Variants in MARCHF11 observed in about 807,000 individuals in gnomAD.
The protein encoded by MARCHF11 is E3 ubiquitin-protein ligase MARCHF11.
Under a neutral mutation model 37.3 loss-of-function variants are expected in MARCHF11, and 29 were observed. The ratio of observed to expected loss-of-function variants is 0.78; its 90% CI spans 0.58 to 1.06. The LOEUF (loss-of-function observed/expected upper bound fraction) is 1.06. MARCHF11 is among the 50% of genes least tolerant of loss of function. The probability of loss-of-function intolerance (pLI) is 0.00; values close to 1 mark genes in which losing one functional copy is unlikely to be tolerated. For synonymous variants in MARCHF11, 233 were observed against 228.0 expected, an observed-to-expected ratio of 1.02 and a Z score of -0.20; for missense variants, 482 against 533.4, an observed-to-expected ratio of 0.90 and a Z score of 0.95.
intron 3 of MARCHF11, among the ~76,000 whole-genome samples, chr5:16,079,166 T>A (rs79783310): frequency 0.018 from 2,796 of 152,202 alleles, 72 homozygotes; most frequent in African/African-American, 0.063. Context: ...TGCCCTCTAC[T>A]ATTCATCCTT....
At chr5:16,136,418 T>C (rs923188392) in intron 2 of MARCHF11, among the ~76,000 whole-genome samples, 2 of 152,152 alleles carry the variant, frequency 1.3e-5, no homozygotes, top group Non-Finnish European at 2.9e-5. Context: ...TGTGGGCTTC[T>C]CTGCAGCAAC....
At chr5:16,128,826 A>G (rs1396505326) in intron 2 of MARCHF11, among the ~76,000 whole-genome samples, 1 of 152,174 alleles carries the variant, frequency 6.6e-6, no homozygotes, top group East Asian at 1.9e-4. Flanking sequence ...AAATGTATTC[A>G]ATATTCAAAA....
At chr5:16,132,868 A>T (rs929668552) in intron 2 of MARCHF11, among the ~76,000 whole-genome samples, 2 of 152,222 alleles carry the variant, frequency 1.3e-5, no homozygotes, top group Admixed American at 6.6e-5. Flanking sequence ...TAATTGCAAG[A>T]AAATAATAAA....
chr5:16,130,256 A>C (rs1191970571), intron 2 of MARCHF11, among the ~76,000 whole-genome samples: 1 of 141,150 alleles, frequency 7.1e-6, no homozygotes, highest in Non-Finnish European at 1.5e-5. Flanking sequence ...GTACATACAC[A>C]CACACACACA....
At chr5:16,156,491 C>A (rs1737979324) in intron 2 of MARCHF11, among the ~76,000 whole-genome samples, 1 of 151,806 alleles carries the variant, frequency 6.6e-6, no homozygotes, top group South Asian at 2.1e-4. Context: ...TGAGGAACTA[C>A]TAGGAAATGA....
rs560515801 is a variant in MARCHF11, at chr5:16,093,607, G to A, written c.694-2526C>T. 1.4e-4 allele frequency among the ~76,000 whole-genome samples: 22 copies of A among 152,268 alleles called. 1 individual carries two copies. The East Asian group carries it at 4.1e-3, about 28-fold the overall frequency. ...GACACATGAGGTGTGGCTGCTTCTA[G>A]GTGAGGAGGGTGAATGAATGAAGGG... On this transcript the variant is annotated intron_variant, in intron 2 of 3. Transcript: ENST00000332432.
chr5:16,067,533 G>A lies in MARCHF11; in HGVS notation c.1147C>T (p.His383Tyr), dbSNP rs1422467777. ...LLHLFNRMRP[H>Y]EDLSEDNSSG... ...CTGTTATCTTCTGATAAGTCTTCAT[G>A]GGGCCTCATCCGATTGAACAGGTGC... is the stretch of plus-strand genomic sequence containing the variant. The change falls in exon 4 of 4, where the codon CAT (histidine) becomes TAT (tyrosine). Residue 383 changes from histidine to tyrosine, a missense_variant. Physicochemically the swap from His to Tyr is moderately conservative, Grantham distance 83. Transcript: ENST00000332432. The A allele has an allele frequency of 3.1e-6, 5 of 1,613,848 alleles. No homozygotes were observed. The highest frequency in any genetic ancestry group is 4.2e-6 in the Non-Finnish European group (5 of 1,179,844).
intron 2 of MARCHF11, among the ~76,000 whole-genome samples, chr5:16,109,438 C>T (rs1382292423): frequency 1.3e-5 from 2 of 152,188 alleles, no homozygotes; most frequent in Non-Finnish European, 2.9e-5. Flanking sequence ...GGACAGAGTT[C>T]GTAGAACTTC....
chr5:16,162,167 C>G (rs1738090122), intron 2 of MARCHF11, among the ~76,000 whole-genome samples: 1 of 151,836 alleles, frequency 6.6e-6, no homozygotes, highest in South Asian at 2.1e-4. Context: ...AGCAAACTGA[C>G]CACCTGTTTC....
chr5:16,121,310 T>C (rs981885175), intron 2 of MARCHF11, among the ~76,000 whole-genome samples: 3 of 152,248 alleles, frequency 2.0e-5, no homozygotes, highest in African/African-American at 7.2e-5. Context: ...ACTATTTATT[T>C]ATTCATTTTT....
At chr5:16,147,561 C>G (rs1282603421) in intron 2 of MARCHF11, among the ~76,000 whole-genome samples, 1 of 152,136 alleles carries the variant, frequency 6.6e-6, no homozygotes, top group Non-Finnish European at 1.5e-5. Context: ...TGGGCACTAT[C>G]TCTGGGAGCT....
intron 2 of MARCHF11, among the ~76,000 whole-genome samples, chr5:16,170,558 C>A (rs185839579): frequency 6.6e-6 from 1 of 151,952 alleles, no homozygotes; most frequent in East Asian, 1.9e-4. Context: ...GTAATGAATG[C>A]GATTTGTTTT....
chr5:16,163,562 T>G (rs150682201), intron 2 of MARCHF11, among the ~76,000 whole-genome samples: 2 of 152,110 alleles, frequency 1.3e-5, no homozygotes, highest in African/African-American at 4.8e-5. Context: ...TATATGCTTT[T>G]TGTAAGAGGC....
chr5:16,092,505 T>G (rs1353360517), intron 2 of MARCHF11, among the ~76,000 whole-genome samples: 2 of 152,118 alleles, frequency 1.3e-5, no homozygotes, highest in Non-Finnish European at 2.9e-5. Context: ...GAATAATAAT[T>G]AAACTATTTC....
chr5:16,071,056 A>C (rs542407458), intron 3 of MARCHF11, among the ~76,000 whole-genome samples: 8 of 152,182 alleles, frequency 5.3e-5, no homozygotes, highest in Non-Finnish European at 1.2e-4. Flanking sequence ...GATTCATTCA[A>C]CTTTGGCTCA....
intron 2 of MARCHF11, among the ~76,000 whole-genome samples, chr5:16,140,150 C>T (rs539435214): frequency 6.6e-6 from 1 of 152,174 alleles, no homozygotes; most frequent in East Asian, 1.9e-4. Context: ...TCTCTGTATA[C>T]AGCCATAATG....
chr5:16,085,645 T>A (rs1167694432), intron 3 of MARCHF11, among the ~76,000 whole-genome samples: 1 of 151,948 alleles, frequency 6.6e-6, no homozygotes, highest in African/African-American at 2.4e-5. Flanking sequence ...AAAGGACTTA[T>A]CAAAATTTAC....
In MARCHF11 at chr5:16,090,989, G is replaced by A. The variant is rs752700961; in HGVS notation, c.786C>T (p.Leu262=). The stretch of plus-strand genomic sequence containing the variant: ...CATAGGGGCTGAAGGCTGACCAGAG[G>A]AGCCAAGTCACACTGGCTATTAAGA... ...SLFLIASVTW[L]LWSAFSPYAV... is the part of the protein sequence containing the mutation. Residue 262 remains leucine (L), a synonymous_variant, in exon 3 of 4, where the codon CTC becomes CTT. Coordinates refer to ENST00000332432, the MANE Select transcript of MARCHF11 (RefSeq NM_001102562.3). 2.5e-6 allele frequency: 4 copies of A among 1,612,408 alleles called. No homozygotes were observed. The highest frequency in any genetic ancestry group is 3.4e-6 in the Non-Finnish European group (4 of 1,179,466).
rs1283023532 is a variant in MARCHF11, at chr5:16,067,721, T to A, written c.959A>T (p.Asp320Val). 1 of 1,613,854 alleles carries A rather than the reference T, an allele frequency of 6.2e-7. No homozygotes were observed. Among genetic ancestry groups the A allele is most frequent in the African/African-American group, 1.3e-5 (1 of 75,006 alleles). ...KRWRAVNLHW[D>V]VLNYDKATDI... ...TGTGGCTTTGTCATAATTTAACACA[T>A]CCCAGTGCAAATTCACAGCTCGCCA... The change falls in exon 4 of 4, where the codon GAT becomes GTT. Residue 320 changes from aspartate to valine, a missense_variant. Coordinates refer to ENST00000332432, the MANE Select transcript of MARCHF11 (RefSeq NM_001102562.3).
Sources: allele counts gnomAD v4.1 joint callset (sites outside exome capture counted in the v4.1 genomes callset), GRCh38; gene constraint gnomAD v4.1.1; transcripts MANE v1.5; gene names NCBI Gene and HGNC (gene_info 2026-07-23, HGNC 2026-07-21).